Variants in CSMD1 observed in about 807,000 individuals in gnomAD.
CSMD1 encodes CUB and sushi domain-containing protein 1.
Under a neutral mutation model 417.5 loss-of-function variants are expected in CSMD1, and 213 were observed. The observed-to-expected ratio is 0.51, with a 90% CI of 0.46 to 0.57. The LOEUF (loss-of-function observed/expected upper bound fraction) is 0.57, where lower values mean the gene tolerates loss of function less well. Among genes scored for constraint, CSMD1 ranks in the 20% least tolerant of loss-of-function variants. The pLI is 0.00. For synonymous variants in CSMD1, 2,862 were observed against 1,736.8 expected (o/e 1.65, Z -16.11); for missense variants, 6,923 against 4,529.7 (o/e 1.53, Z -15.17).
intron 3 of CSMD1, among the ~76,000 whole-genome samples, chr8:4,278,220 G>C (rs369147843): frequency 3.3e-5 from 5 of 152,202 alleles, no homozygotes; most frequent in African/African-American, 1.2e-4. Flanking sequence ...GCCAAGCTTG[G>C]TAAGTGTTCA....
At chr8:3,941,684 T>C (rs964075280) in intron 5 of CSMD1, among the ~76,000 whole-genome samples, 3 of 152,180 alleles carry the variant, frequency 2.0e-5, no homozygotes, top group African/African-American at 7.2e-5. Context: ...TTGACTAGAA[T>C]GTAATGAGAT....
chr8:4,680,768 C>G (rs1343504722), intron 1 of CSMD1, among the ~76,000 whole-genome samples: 1 of 151,920 alleles, frequency 6.6e-6, no homozygotes, highest in South Asian at 2.1e-4. Context: ...TTAGTAGAGA[C>G]GAGGTTTCAC....
At chr8:3,929,438 A>C (rs947419702) in intron 5 of CSMD1, among the ~76,000 whole-genome samples, 2 of 150,446 alleles carry the variant, frequency 1.3e-5, no homozygotes, top group African/African-American at 4.9e-5. Flanking sequence ...AAGTGGGTCC[A>C]AAAGCTGGAG....
intron 2 of CSMD1, among the ~76,000 whole-genome samples, chr8:4,464,808 C>T (rs966139596): frequency 6.6e-6 from 1 of 152,060 alleles, no homozygotes; most frequent in African/African-American, 2.4e-5. Context: ...AAAACTGATT[C>T]TCTTTGAAGT....
intron 6 of CSMD1, among the ~76,000 whole-genome samples, chr8:3,711,108 C>T (rs559285279): frequency 6.6e-6 from 1 of 152,218 alleles, no homozygotes; most frequent in South Asian, 2.1e-4. Context: ...GCAATATTTT[C>T]CCCAAAAGAC....
At chr8:3,342,198 A>G (rs1035066912) in intron 23 of CSMD1, among the ~76,000 whole-genome samples, 1 of 152,160 alleles carries the variant, frequency 6.6e-6, no homozygotes, top group African/African-American at 2.4e-5. Context: ...TTTTTGGCCA[A>G]AGTCTTACAA....
rs189858929 is a variant in CSMD1, at chr8:4,636,120, C to A, written c.302+1222G>T. Among the ~76,000 whole-genome samples, 484 of 151,834 alleles carry A rather than the reference C, an allele frequency of 3.2e-3. 4 individuals carry two copies. The Middle Eastern group carries it at 0.037, about 12-fold the overall frequency. On this transcript the variant is annotated intron_variant, in intron 2 of 69. Transcript: ENST00000635120. ...TTTTCTGTAGAGATTTTTTTCTCATCCCATAAAATAATAAATGAAGCATAT... is the reference window on the plus strand; with the variant it reads ...TTTTCTGTAGAGATTTTTTTCTCATACCATAAAATAATAAATGAAGCATAT...
intron 5 of CSMD1, among the ~76,000 whole-genome samples, chr8:3,845,683 C>G (rs1362253626): frequency 6.6e-6 from 1 of 152,080 alleles, no homozygotes; most frequent in African/African-American, 2.4e-5. Context: ...TTAACTTTAG[C>G]TTACTGTAAC....
chr8:3,880,170 G>A (rs1806116089), intron 5 of CSMD1, among the ~76,000 whole-genome samples: 2 of 151,998 alleles, frequency 1.3e-5, no homozygotes, highest in Non-Finnish European at 2.9e-5. Context: ...AGAGGAAATT[G>A]GATTCAAGAA....
chr8:3,907,794 G>GT (rs1808210767), intron 5 of CSMD1, among the ~76,000 whole-genome samples: 1 of 152,124 alleles, frequency 6.6e-6, no homozygotes, highest in Non-Finnish European at 1.5e-5. Flanking sequence ...CCCGCTGCTC[G>GT]TATCAAACAG....
chr8:4,428,598 A>G (rs919510605), intron 2 of CSMD1, among the ~76,000 whole-genome samples: 2 of 152,192 alleles, frequency 1.3e-5, no homozygotes, highest in Non-Finnish European at 2.9e-5. Flanking sequence ...TTTCAGTAAT[A>G]CTAGATGTGC....
At position 3,783,240 on chromosome 8, in the gene CSMD1, C is replaced by T. The variant is rs554044851; in HGVS notation, c.819-29198G>A. Among the ~76,000 whole-genome samples, 119 of 152,328 alleles carry T rather than the reference C, an allele frequency of 7.8e-4. 1 individual carries two copies. The highest frequency in any genetic ancestry group is 2.7e-3 in the African/African-American group (113 of 41,572). Reference sequence around the variant, plus strand: ...ATAGCAGTGCATGGTCAGGCCGATACTGTGTAGGTGCTCCCGGAAAAACTG... The same window carrying T: ...ATAGCAGTGCATGGTCAGGCCGATATTGTGTAGGTGCTCCCGGAAAAACTG... On this transcript the variant is annotated intron_variant, in intron 5 of 69. Coordinates refer to ENST00000635120, the MANE Select transcript of CSMD1 (RefSeq NM_033225.6).
chr8:3,311,206 T>C (rs1388443889), intron 23 of CSMD1, among the ~76,000 whole-genome samples: 1 of 152,208 alleles, frequency 6.6e-6, no homozygotes, highest in African/African-American at 2.4e-5. Flanking sequence ...CTATTTATTT[T>C]ATAAGAAATT....
intron 5 of CSMD1, among the ~76,000 whole-genome samples, chr8:3,807,052 G>C (rs1342499224): frequency 6.6e-6 from 1 of 152,064 alleles, no homozygotes; most frequent in Non-Finnish European, 1.5e-5. Context: ...TCACAAGTCT[G>C]GTAGCTTAAT....
chr8:3,262,224 T>C (rs1235041023), intron 26 of CSMD1, among the ~76,000 whole-genome samples: 17 of 114,356 alleles, frequency 1.5e-4, no homozygotes, highest in Admixed American at 7.9e-4. Context: ...TATATATATA[T>C]ATATATACAC....
intron 49 of CSMD1, among the ~76,000 whole-genome samples, chr8:3,081,568 G>A (rs1259476515): frequency 2.0e-5 from 3 of 152,046 alleles, no homozygotes; most frequent in Non-Finnish European, 4.4e-5. Context: ...TTTAACATTT[G>A]CATTAGTAAT....
At chr8:4,119,431 T>A in intron 3 of CSMD1, among the ~76,000 whole-genome samples, 2 of 152,192 alleles carry the variant, frequency 1.3e-5, no homozygotes, top group East Asian at 3.9e-4. Context: ...CAGGATGATA[T>A]TGATGTGTCA....
chr8:3,912,482 G>C lies in CSMD1; in HGVS notation c.818+85421C>G, dbSNP rs143084606. ...AAACCAGAGAGGCTGCGTGCTCCTA[G>C]ACCCTCAAGTGAAACATATTGCATA... On this transcript the variant is annotated intron_variant, in intron 5 of 69. Transcript: ENST00000635120. Among the ~76,000 whole-genome samples the C allele has an allele frequency of 4.6e-3, 697 of 152,206 alleles. 4 individuals are homozygous for C. Among genetic ancestry groups the C allele is most frequent in the Middle Eastern group, 0.02 (6 of 294 alleles).
At chr8:3,161,258 A>C (rs1373369115) in intron 38 of CSMD1, among the ~76,000 whole-genome samples, 2 of 152,178 alleles carry the variant, frequency 1.3e-5, no homozygotes, top group Non-Finnish European at 2.9e-5. Context: ...AATAATAAAT[A>C]ATAAGAGAAA....
Sources: gnomAD v4.1 joint callset for allele counts (sites outside exome capture counted in the v4.1 genomes callset) on GRCh38, gnomAD v4.1.1 for gene constraint, MANE v1.5 for transcripts, NCBI Gene and HGNC (gene_info 2026-07-23, HGNC 2026-07-21) for gene names.